The following ANTXR1 variants were observed in gnomAD, a reference collection of about 807,000 sequenced individuals.
The protein encoded by ANTXR1 is ANTXR cell adhesion molecule 1.
A neutral mutation model predicts 78.1 loss-of-function variants in ANTXR1; 19 were observed. That is an observed-to-expected ratio of 0.24 (90% CI 0.17 to 0.36). The LOEUF is 0.36. Among genes scored for constraint, ANTXR1 ranks in the 10% least tolerant of loss-of-function variants. The probability of loss-of-function intolerance (pLI) is 1.00; values close to 1 mark genes in which losing one functional copy is unlikely to be tolerated. For missense variants in ANTXR1, 518 were observed against 718.6 expected (o/e 0.72, Z 3.19); for synonymous variants, 273 against 260.5 (o/e 1.05, Z -0.46).
chr2:69,013,145 T>A (rs1438845691), upstream of ANTXR1: 2 of 50,976 alleles, frequency 3.9e-5, no homozygotes, highest in African/African-American at 6.2e-5. The surrounding 1 kb of genome is among the most constrained non-coding windows in gnomAD (Gnocchi z 5.0). Flanking sequence ...CCCCCCCCCA[T>A]CATATTTAAA....
chr2:69,024,274 T>C (rs900536833), intron 1 of ANTXR1, among the ~76,000 whole-genome samples: 16 of 152,132 alleles, frequency 1.1e-4, no homozygotes, highest in African/African-American at 3.6e-4. Flanking sequence ...GAGTAGGCAG[T>C]TGGCTTGATA....
At chr2:69,051,414 AT>A (rs1270673476) in intron 3 of ANTXR1, among the ~76,000 whole-genome samples, 2 of 151,962 alleles carry the variant, frequency 1.3e-5, no homozygotes, top group Non-Finnish European at 2.9e-5. Context: ...ATTATTGTTA[AT>A]TTTTTAATAG....
chr2:69,045,056 T>C lies in ANTXR1; in HGVS notation c.296+243T>C, dbSNP rs374712885. ...TATAAATGATGAAATTACATTAAGA[T>C]AAATCTCACATTTGATTGTTGATTC... On this transcript the variant is annotated intron_variant, in intron 3 of 17. Transcript: ENST00000303714. Among the ~76,000 whole-genome samples, 10 of 152,354 alleles carry C rather than the reference T, an allele frequency of 6.6e-5. No homozygotes were observed. The East Asian group carries it at 1.5e-3, about 23-fold the overall frequency.
At chr2:69,136,822 TATTAGTTGGGCATAGAAG>T (rs1672920081) in intron 12 of ANTXR1, among the ~76,000 whole-genome samples, 1 of 152,030 alleles carries the variant, frequency 6.6e-6, no homozygotes, top group African/African-American at 2.4e-5. Context: ...CAAAGAAAAC[TATTAGTTGGGCATAGAAG>T]AGGTGAAAAG....
In ANTXR1 at chr2:69,248,406, T is replaced by G. The variant is rs759998438; in HGVS notation, c.*2921T>G. On this transcript the variant is annotated 3_prime_UTR_variant, in exon 18 of 18. Transcript: ENST00000303714. ...CCCATGACTGTATTGCTTTTATAAA[T>G]GTACAAATAGTTACTGAAATGACGA... is the stretch of plus-strand genomic sequence containing the variant. The G allele has an allele frequency of 6.3e-6, 1 of 157,526 alleles. No homozygotes were observed. The highest frequency in any genetic ancestry group is 1.5e-5 in the Non-Finnish European group (1 of 68,062). 9.8% of individuals were successfully genotyped at this position (157,526 alleles called of 1,614,324 possible).
intron 10 of ANTXR1, among the ~76,000 whole-genome samples, chr2:69,117,341 TTAAC>T (rs1282588272): frequency 3.3e-5 from 5 of 152,330 alleles, no homozygotes; most frequent in African/African-American, 1.2e-4. Flanking sequence ...ACTAACTCAA[TTAAC>T]TAACCCTTCT....
chr2:69,043,556 A>G (rs776844653), intron 2 of ANTXR1, among the ~76,000 whole-genome samples: 10 of 152,126 alleles, frequency 6.6e-5, no homozygotes, highest in African/African-American at 1.2e-4. Context: ...CCAATATTCA[A>G]TTCACCAGGT....
intron 8 of ANTXR1, among the ~76,000 whole-genome samples, chr2:69,080,527 G>T (rs1018379023): frequency 2.0e-5 from 3 of 152,202 alleles, no homozygotes; most frequent in Non-Finnish European, 2.9e-5. Flanking sequence ...GCAGGGGCTA[G>T]TATTTATTCA....
At chr2:69,042,982 ACT>A (rs1669654168) in intron 2 of ANTXR1, among the ~76,000 whole-genome samples, 1 of 151,898 alleles carries the variant, frequency 6.6e-6, no homozygotes, top group African/African-American at 2.4e-5. Context: ...CACTGCTGAC[ACT>A]CTCTCTGAAC....
chr2:69,117,342 T>G (rs1672178265), intron 10 of ANTXR1, among the ~76,000 whole-genome samples: 1 of 152,214 alleles, frequency 6.6e-6, no homozygotes, highest in Non-Finnish European at 1.5e-5. Context: ...CTAACTCAAT[T>G]AACTAACCCT....
At chr2:69,198,198 T>C (rs1674705406) in intron 17 of ANTXR1, among the ~76,000 whole-genome samples, 1 of 152,188 alleles carries the variant, frequency 6.6e-6, no homozygotes, top group African/African-American at 2.4e-5. Flanking sequence ...GGCCAAATAA[T>C]TGCCCTTCAA....
At chr2:69,184,935 A>G (rs1427852078) in intron 16 of ANTXR1, among the ~76,000 whole-genome samples, 1 of 152,186 alleles carries the variant, frequency 6.6e-6, no homozygotes, top group Non-Finnish European at 1.5e-5. Flanking sequence ...GGCTCTCAGC[A>G]TTCGCCCATC....
intron 13 of ANTXR1, among the ~76,000 whole-genome samples, chr2:69,168,305 A>T (rs1398403201): frequency 1.3e-5 from 2 of 152,246 alleles, no homozygotes; most frequent in African/African-American, 2.4e-5. Context: ...AACACACATG[A>T]TCGCTCATGA....
chr2:69,182,814 T>C, intron 16 of ANTXR1, 154 bp downstream of exon 16: 3 of 972,406 alleles, frequency 3.1e-6, no homozygotes, highest in Non-Finnish European at 4.6e-6. Flanking sequence ...AAAGTACTAG[T>C]AATTACTTTG....
At chr2:69,121,508 T>C (rs1672345754) in intron 10 of ANTXR1, among the ~76,000 whole-genome samples, 1 of 152,210 alleles carries the variant, frequency 6.6e-6, no homozygotes, top group Non-Finnish European at 1.5e-5. Context: ...ACGTTGTGCT[T>C]AGCACTCAGA....
At chr2:69,230,973 G>A (rs115313445) in intron 17 of ANTXR1, among the ~76,000 whole-genome samples, 1 of 152,016 alleles carries the variant, frequency 6.6e-6, no homozygotes, top group Non-Finnish European at 1.5e-5. Flanking sequence ...CCCCACTCAC[G>A]TAGACTCCAG....
At chr2:69,123,631 G>A (rs947087722) in intron 11 of ANTXR1, among the ~76,000 whole-genome samples, 6 of 152,130 alleles carry the variant, frequency 3.9e-5, no homozygotes, top group Admixed American at 2.0e-4. Context: ...GCGCAGCATC[G>A]GATGTTCACC....
At position 69,145,395 on chromosome 2, in the gene ANTXR1, C is replaced by T. The variant is rs750974878; in HGVS notation, c.952-6774C>T. Reference sequence around the variant, plus strand: ...GGAATAGCAGAGAATACCGCCTGCTCCCTCCGGACAGCACACTCCTGAAAA... The same window carrying T: ...GGAATAGCAGAGAATACCGCCTGCTTCCTCCGGACAGCACACTCCTGAAAA... On this transcript the variant is annotated intron_variant, in intron 12 of 17. Transcript: ENST00000303714. 9.5e-6 allele frequency: 15 copies of T among 1,586,880 alleles called. No homozygotes were observed. In the East Asian group the frequency reaches 3.0e-4, roughly 32 times the overall value.
rs1265490841 is a variant in ANTXR1, at chr2:69,123,085, A to G, written c.871A>G (p.Met291Val). The change falls in exon 11 of 18, where the codon ATG becomes GTG. Residue 291 changes from methionine to valine, a missense_variant and splice_region_variant. Coordinates refer to ENST00000303714, the MANE Select transcript of ANTXR1 (RefSeq NM_032208.3). ...AGCGCCTATCTTAAAAGAAGTTGGCATGTAAGTTTTCACCAGCAACTGAAC... is the reference window on the plus strand; with the variant it reads ...AGCGCCTATCTTAAAAGAAGTTGGCGTGTAAGTTTTCACCAGCAACTGAAC... ...CPAPILKEVGMKAALQVSMND... is the reference protein window; with the variant it reads ...CPAPILKEVGVKAALQVSMND... 9 of 1,614,170 alleles carry G rather than the reference A, an allele frequency of 5.6e-6. No homozygotes were observed. Among genetic ancestry groups the G allele is most frequent in the Non-Finnish European group, 7.6e-6 (9 of 1,180,026 alleles).
Sources: gnomAD v4.1 joint callset for allele counts (sites outside exome capture counted in the v4.1 genomes callset) on GRCh38, gnomAD v4.1.1 for gene constraint, Gnocchi (gnomAD v3.1) non-coding constraint, MANE v1.5 for transcripts, NCBI Gene and HGNC (gene_info 2026-07-23, HGNC 2026-07-21) for gene names.